Variants in SPMIP3 observed in about 807,000 individuals in gnomAD.
SPMIP3 encodes sperm microtubule inner protein 3, also known as protein SPMIP3.
chr1:244,356,387 C>T, the SPMIP3 span, among the ~76,000 whole-genome samples: 3 of 152,200 alleles, frequency 2.0e-5, no homozygotes, highest in Non-Finnish European at 4.4e-5. Context: ...TTTGATTTAA[C>T]CCGTATTATA....
At chr1:244,381,706 G>A in the SPMIP3 span, among the ~76,000 whole-genome samples, 2 of 152,196 alleles carry the variant, frequency 1.3e-5, no homozygotes, top group Non-Finnish European at 2.9e-5. Flanking sequence ...CGAAGCGGGA[G>A]GATCACCTGA....
the SPMIP3 span, among the ~76,000 whole-genome samples, chr1:244,362,843 CT>C: frequency 0.033 from 3,899 of 117,492 alleles, 99 homozygotes; most frequent in African/African-American, 0.12. Flanking sequence ...TCCCTGTGAA[CT>C]TTTTTTTTTT....
chr1:244,388,662 C>T, the SPMIP3 span, among the ~76,000 whole-genome samples: 3 of 152,094 alleles, frequency 2.0e-5, no homozygotes, highest in African/African-American at 4.8e-5. Context: ...TGATAATGTA[C>T]GACTAAAAAG....
the SPMIP3 span, among the ~76,000 whole-genome samples, chr1:244,386,834 G>A: frequency 6.6e-6 from 1 of 152,170 alleles, no homozygotes; most frequent in African/African-American, 2.4e-5. Context: ...CTAGAACAGT[G>A]AAAGATTAAT....
the SPMIP3 span, among the ~76,000 whole-genome samples, chr1:244,386,004 AC>A: frequency 1.1e-4 from 1 of 9,348 alleles, no homozygotes; most frequent in Admixed American, 1.9e-3. Flanking sequence ...TCTCTACAAA[AC>A]ACACACACAC....
the SPMIP3 span, among the ~76,000 whole-genome samples, chr1:244,378,992 G>A: frequency 4.6e-5 from 7 of 152,070 alleles, no homozygotes; most frequent in African/African-American, 7.2e-5. Flanking sequence ...GCAGTGGTGC[G>A]ATCTCGGCTC....
chr1:244,361,655 A>G, the SPMIP3 span, among the ~76,000 whole-genome samples: 1 of 152,354 alleles, frequency 6.6e-6, no homozygotes, highest in South Asian at 2.1e-4. Flanking sequence ...GTATGCTTAT[A>G]TAAAAATGGC....
At chr1:244,358,989 G>T in the SPMIP3 span, among the ~76,000 whole-genome samples, 661 of 152,264 alleles carry the variant, frequency 4.3e-3, 7 homozygotes, top group African/African-American at 0.015. Flanking sequence ...CCATGAAAGT[G>T]ATGGTAAGTT....
At chr1:244,389,196 G>A in the SPMIP3 span, 1 of 701,400 alleles carries the variant, frequency 1.4e-6, no homozygotes, top group African/African-American at 1.8e-5. Flanking sequence ...ATATTTACAT[G>A]TTGCAAATTC....
the SPMIP3 span, among the ~76,000 whole-genome samples, chr1:244,382,189 T>TG: frequency 1.3e-5 from 2 of 149,944 alleles, no homozygotes; most frequent in East Asian, 3.9e-4. Flanking sequence ...GACATTCTGG[T>TG]GGGGGATATA....
the SPMIP3 span, among the ~76,000 whole-genome samples, chr1:244,374,082 C>T: frequency 1.1e-4 from 17 of 152,180 alleles, no homozygotes; most frequent in African/African-American, 3.9e-4. Flanking sequence ...CACTGCACTC[C>T]AGCCTGGGCG....
the SPMIP3 span, among the ~76,000 whole-genome samples, chr1:244,387,256 C>T: frequency 6.6e-6 from 1 of 151,826 alleles, no homozygotes; most frequent in Non-Finnish European, 1.5e-5. Context: ...CGAGATGGCG[C>T]CACTGCGCTC....
At chr1:244,358,382 G>A in the SPMIP3 span, among the ~76,000 whole-genome samples, 11 of 152,046 alleles carry the variant, frequency 7.2e-5, no homozygotes, top group South Asian at 2.1e-4. Context: ...TCAGAAGTTC[G>A]AGACCAGCCT....
chr1:244,355,653 T>C, the SPMIP3 span, among the ~76,000 whole-genome samples: 1 of 152,222 alleles, frequency 6.6e-6, no homozygotes, highest in Non-Finnish European at 1.5e-5. Flanking sequence ...CCCAAAGTGC[T>C]GGGATTACAG....
the SPMIP3 span, among the ~76,000 whole-genome samples, chr1:244,369,709 C>T: frequency 7.6e-3 from 1,086 of 141,998 alleles, 12 homozygotes; most frequent in African/African-American, 0.029. Context: ...ATTTGCATAA[C>T]GTGAGAAGAA....
chr1:244,370,101 C>A, the SPMIP3 span, among the ~76,000 whole-genome samples: 2 of 152,162 alleles, frequency 1.3e-5, no homozygotes, highest in Non-Finnish European at 2.9e-5. Flanking sequence ...GGAAATTCCG[C>A]CGAGGACTCT....
chr1:244,370,159 C>G, the SPMIP3 span, among the ~76,000 whole-genome samples: 1 of 152,176 alleles, frequency 6.6e-6, no homozygotes, highest in South Asian at 2.1e-4. Flanking sequence ...TGTATCAATA[C>G]CAACACCTTG....
At chr1:244,360,550 ACACACACATG>A in the SPMIP3 span, among the ~76,000 whole-genome samples, 647 of 62,208 alleles carry the variant, frequency 0.01, 11 homozygotes, top group African/African-American at 0.034. Context: ...ACACACACAC[ACACACACATG>A]CATGCATGGA....
the SPMIP3 span, among the ~76,000 whole-genome samples, chr1:244,374,587 CTTT>C: frequency 0.016 from 1,219 of 74,554 alleles, 9 homozygotes; most frequent in African/African-American, 0.065. Flanking sequence ...CCACATTTCT[CTTT>C]TTTTTTTTTT....
Sources: allele counts gnomAD v4.1 joint callset (sites outside exome capture counted in the v4.1 genomes callset), GRCh38; gene constraint gnomAD v4.1.1; transcripts MANE v1.5; gene names NCBI Gene and HGNC (gene_info 2026-07-23, HGNC 2026-07-21).